Variants in GPC3 observed in about 807,000 individuals in gnomAD.
GPC3 encodes the protein glypican-3.
In GPC3, 3 loss-of-function variants were observed where a neutral mutation model predicts 34.4. The observed-to-expected ratio is 0.09, with a 90% CI of 0.04 to 0.23. The LOEUF (loss-of-function observed/expected upper bound fraction) is 0.23, where lower values mean the gene tolerates loss of function less well. GPC3 is among the 10% of genes least tolerant of loss of function. The probability of loss-of-function intolerance (pLI) is 1.00; values close to 1 mark genes in which losing one functional copy is unlikely to be tolerated. For missense variants in GPC3, 351 were observed against 445.6 expected (o/e 0.79, Z 1.91); for synonymous variants, 177 against 174.0 (o/e 1.02, Z -0.13).
intron 5 of GPC3, among the ~76,000 whole-genome samples, chrX:133,686,792 C>A (rs1282717098): frequency 9.0e-6 from 1 of 110,518 alleles, no homozygotes; most frequent in Non-Finnish European, 1.9e-5. Flanking sequence ...CACACACACA[C>A]ACACACACAC....
At chrX:133,537,999 G>A (rs2069309847) in intron 7 of GPC3, among the ~76,000 whole-genome samples, 1 of 111,121 alleles carries the variant, frequency 9.0e-6, no homozygotes, top group Non-Finnish European at 1.9e-5. Context: ...ATATGAATCT[G>A]GTTACATTTT....
At chrX:133,794,992 C>T (rs1175686857) in intron 2 of GPC3, among the ~76,000 whole-genome samples, 1 of 111,916 alleles carries the variant, frequency 8.9e-6, no homozygotes, top group Non-Finnish European at 1.9e-5. Flanking sequence ...GTGTCTTTCT[C>T]ATCTTTGTGT....
intron 2 of GPC3, among the ~76,000 whole-genome samples, chrX:133,855,281 GCTT>G (rs2075894835): frequency 1.8e-5 from 2 of 109,935 alleles, no homozygotes; most frequent in Admixed American, 1.9e-4. Flanking sequence ...TCTTGTTTCA[GCTT>G]CCTGAATAGC....
At chrX:133,808,797 T>G (rs1310547089) in intron 2 of GPC3, among the ~76,000 whole-genome samples, 1 of 110,816 alleles carries the variant, frequency 9.0e-6, no homozygotes, top group African/African-American at 3.3e-5. Flanking sequence ...TTTGAAAATG[T>G]ATAATCCCAC....
At chrX:133,637,832 AG>A (rs1262408638) in intron 6 of GPC3, among the ~76,000 whole-genome samples, 1 of 110,114 alleles carries the variant, frequency 9.1e-6, no homozygotes, top group East Asian at 2.9e-4. Flanking sequence ...TGGTAGAGAC[AG>A]GGTTTCGGTA....
At chrX:133,936,317 G>A (rs2076323616) in intron 2 of GPC3, among the ~76,000 whole-genome samples, 1 of 109,715 alleles carries the variant, frequency 9.1e-6, no homozygotes, top group Admixed American at 9.8e-5. Context: ...AACAATTTGA[G>A]ATTTAGGTAA....
At chrX:133,662,500 A>G (rs1176752099) in intron 5 of GPC3, among the ~76,000 whole-genome samples, 1 of 111,929 alleles carries the variant, frequency 8.9e-6, no homozygotes, top group Non-Finnish European at 1.9e-5. Context: ...CCAGAATTGA[A>G]GTTTCAAGGT....
At chrX:133,912,166 T>C (rs1383132286) in intron 2 of GPC3, among the ~76,000 whole-genome samples, 1 of 112,486 alleles carries the variant, frequency 8.9e-6, no homozygotes, top group Non-Finnish European at 1.9e-5. Context: ...CACCTTTATA[T>C]AGAAATACCA....
At chrX:133,856,689 T>C (rs1416333739) in intron 2 of GPC3, among the ~76,000 whole-genome samples, 5 of 112,254 alleles carry the variant, frequency 4.5e-5, no homozygotes, top group Admixed American at 3.8e-4. Flanking sequence ...ATGTTATGGT[T>C]TCCATATTTT....
chrX:133,766,679 A>G (rs974815843), intron 2 of GPC3, among the ~76,000 whole-genome samples: 16 of 112,188 alleles, frequency 1.4e-4, no homozygotes, highest in African/African-American at 4.2e-4. Context: ...TATTATCCCA[A>G]TTTCACAGAC....
intron 2 of GPC3, among the ~76,000 whole-genome samples, chrX:133,888,483 C>T (rs1446482898): frequency 9.0e-6 from 1 of 111,729 alleles, no homozygotes; most frequent in African/African-American, 3.3e-5. Context: ...GTTCAAAATC[C>T]TTGAGGAATT....
intron 2 of GPC3, among the ~76,000 whole-genome samples, chrX:133,793,968 T>TA (rs1212043272): frequency 8.9e-6 from 1 of 111,881 alleles, no homozygotes; most frequent in Non-Finnish European, 1.9e-5. Context: ...GTATCCCTTT[T>TA]AGCATCACTT....
At chrX:133,713,573 G>T (rs999280389) in intron 3 of GPC3, among the ~76,000 whole-genome samples, 7 of 112,143 alleles carry the variant, frequency 6.2e-5, no homozygotes, top group Admixed American at 5.7e-4. Flanking sequence ...AAAAGCACAA[G>T]TGTGATTGAC....
At chrX:133,607,900 G>A (rs771385175) in intron 6 of GPC3, among the ~76,000 whole-genome samples, 1 of 112,615 alleles carries the variant, frequency 8.9e-6, no homozygotes, top group African/African-American at 3.2e-5. Flanking sequence ...AAAGCACCAA[G>A]TGGCTAAACA....
chrX:133,647,975 A>T (rs774438431), intron 6 of GPC3, among the ~76,000 whole-genome samples: 1 of 112,364 alleles, frequency 8.9e-6, no homozygotes, highest in African/African-American at 3.2e-5. Flanking sequence ...TGCAGGTACT[A>T]GAAATTTCTT....
intron 5 of GPC3, 58 bp downstream of exon 5, chrX:133,692,311 T>C: frequency 8.9e-7 from 1 of 1,128,920 alleles, no homozygotes; most frequent in Non-Finnish European, 1.2e-6. Flanking sequence ...AACTTTTATA[T>C]AAACATATGA....
intron 2 of GPC3, among the ~76,000 whole-genome samples, chrX:133,901,331 C>A (rs759764263): frequency 9.1e-6 from 1 of 110,451 alleles, no homozygotes; most frequent in East Asian, 2.8e-4. Flanking sequence ...ACACAAGTAC[C>A]TTTTTTCATG....
At position 133,985,261 on chromosome X, in the gene GPC3, G is replaced by A. The variant is rs2124655612; in HGVS notation, c.175+14C>T. ...CCGCTGGGCGCTAGGCACGCTCAAG[G>A]GACCCCTCCTCACCTGGCACGGGAG... On this transcript the variant is annotated intron_variant, in intron 1 of 7. Transcript: ENST00000370818. The A allele has an allele frequency of 8.3e-7, 1 of 1,209,664 alleles. No individual in the cohort carries two copies. The highest frequency in any genetic ancestry group is 3.0e-5 in the East Asian group (1 of 33,758).
intron 7 of GPC3, among the ~76,000 whole-genome samples, chrX:133,579,469 C>T (rs2069714969): frequency 8.9e-6 from 1 of 112,942 alleles, no homozygotes. Flanking sequence ...ATGCTTGAAG[C>T]ATATTGACGG....
Sources: gnomAD v4.1 joint callset for allele counts (sites outside exome capture counted in the v4.1 genomes callset) on GRCh38, gnomAD v4.1.1 for gene constraint, MANE v1.5 for transcripts, NCBI Gene and HGNC (gene_info 2026-07-23, HGNC 2026-07-21) for gene names.